FAM227B: variants seen among roughly 807,000 people sequenced by gnomAD.
The protein encoded by FAM227B is family with sequence similarity 227 member B.
Under a neutral mutation model 73.8 loss-of-function variants are expected in FAM227B, and 88 were observed. The observed-to-expected ratio is 1.19, with a 90% CI of 1.00 to 1.42. FAM227B has a LOEUF of 1.42. FAM227B is among the 40% of genes most tolerant of loss of function. The probability of loss-of-function intolerance (pLI) is 0.00; values close to 1 mark genes in which losing one functional copy is unlikely to be tolerated. For missense variants in FAM227B, 632 were observed against 590.9 expected, an observed-to-expected ratio of 1.07 and a Z score of -0.72; for synonymous variants, 210 against 190.5, an observed-to-expected ratio of 1.10 and a Z score of -0.84.
Position 49,354,389 on chromosome 15 carries a change from G to A in FAM227B, c.1271+13059C>T, listed in dbSNP as rs1186372784. ...AGTGGGCGCAGGTCAGTGGGTGCGC[G>A]CACCGTGCGTGAGCCGAAGCAGGGC... is the stretch of plus-strand genomic sequence containing the variant. On this transcript the variant is annotated intron_variant, in intron 13 of 15. Transcript: ENST00000299338. 4.6e-5 allele frequency among the ~76,000 whole-genome samples: 7 copies of A among 152,238 alleles called. No homozygotes were observed. The East Asian group carries it at 5.8e-4, about 13-fold the overall frequency.
rs982854228 is a variant in FAM227B, at chr15:49,399,123, G to T, written c.1013-27724C>A. ...CTAGCAAGACTAATAAAGAAAAAAA[G>T]AGAGAAGAATCAAGTAGACGCAATA... On this transcript the variant is annotated intron_variant, in intron 11 of 15. Coordinates refer to ENST00000299338, the MANE Select transcript of FAM227B (RefSeq NM_152647.3). Among the ~76,000 whole-genome samples, 396 of 148,140 alleles carry T rather than the reference G, an allele frequency of 2.7e-3. 3 individuals are homozygous for T. The highest frequency in any genetic ancestry group is 9.6e-3 in the African/African-American group (386 of 40,150).
intron 11 of FAM227B, among the ~76,000 whole-genome samples, chr15:49,406,095 C>T (rs542834049): frequency 1.1e-4 from 16 of 152,278 alleles, no homozygotes; most frequent in Middle Eastern, 3.4e-3. Flanking sequence ...TCTCTGGCTC[C>T]GCAAGGTTAG....
intron 10 of FAM227B, among the ~76,000 whole-genome samples, chr15:49,530,569 A>G (rs2060533066): frequency 6.6e-6 from 1 of 151,860 alleles, no homozygotes; most frequent in South Asian, 2.1e-4. Context: ...ATTGGGTAAA[A>G]GTGAAATCAA....
chr15:49,477,836 C>T (rs2055494123), intron 11 of FAM227B, among the ~76,000 whole-genome samples: 1 of 152,200 alleles, frequency 6.6e-6, no homozygotes, highest in African/African-American at 2.4e-5. Flanking sequence ...TGCCAGCATA[C>T]AGCACTGTTA....
chr15:49,364,139 G>A (rs992153195), intron 13 of FAM227B, among the ~76,000 whole-genome samples: 4 of 152,152 alleles, frequency 2.6e-5, no homozygotes, highest in African/African-American at 7.2e-5. Flanking sequence ...GAATGAGTTA[G>A]GAAAGAGTCC....
chr15:49,449,223 T>C (rs923546332), intron 11 of FAM227B, among the ~76,000 whole-genome samples: 2 of 151,996 alleles, frequency 1.3e-5, no homozygotes, highest in African/African-American at 2.4e-5. Flanking sequence ...CATAGGCTCA[T>C]ATTGGGCTCC....
At chr15:49,471,055 T>C (rs897381159) in intron 11 of FAM227B, among the ~76,000 whole-genome samples, 1 of 152,214 alleles carries the variant, frequency 6.6e-6, no homozygotes, top group Non-Finnish European at 1.5e-5. Context: ...TGAAAAGTCT[T>C]GTTGATACTC....
chr15:49,512,718 T>G (rs892013168), intron 10 of FAM227B, among the ~76,000 whole-genome samples: 4 of 152,136 alleles, frequency 2.6e-5, no homozygotes, highest in Admixed American at 2.6e-4. Flanking sequence ...ATGCATTAGC[T>G]ATTTGTCCTG....
intron 11 of FAM227B, among the ~76,000 whole-genome samples, chr15:49,471,295 G>A (rs2054724503): frequency 6.6e-6 from 1 of 151,908 alleles, no homozygotes; most frequent in East Asian, 1.9e-4. Context: ...GACTAGCCTG[G>A]CTAACATGGC....
intron 10 of FAM227B, among the ~76,000 whole-genome samples, chr15:49,538,223 T>C (rs1418036348): frequency 2.0e-5 from 3 of 152,194 alleles, no homozygotes. Context: ...CACTTACATA[T>C]GGATTTTCAT....
At chr15:49,420,197 G>C (rs889507798) in intron 11 of FAM227B, among the ~76,000 whole-genome samples, 3 of 151,868 alleles carry the variant, frequency 2.0e-5, no homozygotes, top group East Asian at 1.9e-4. Context: ...ATTTATTTTC[G>C]TAGTATAAAA....
At chr15:49,474,527 A>G (rs377321108) in intron 11 of FAM227B, among the ~76,000 whole-genome samples, 3 of 152,326 alleles carry the variant, frequency 2.0e-5, no homozygotes, top group African/African-American at 7.2e-5. Flanking sequence ...CAGTCAATAA[A>G]AGGTAAAAGA....
intron 11 of FAM227B, among the ~76,000 whole-genome samples, chr15:49,381,858 A>G (rs187287255): frequency 6.6e-6 from 1 of 152,250 alleles, no homozygotes; most frequent in East Asian, 1.9e-4. Context: ...AAAATTTATC[A>G]CTGTTATAAA....
intron 3 of FAM227B, among the ~76,000 whole-genome samples, chr15:49,595,502 G>A (rs2076836803): frequency 6.6e-6 from 1 of 151,864 alleles, no homozygotes; most frequent in East Asian, 1.9e-4. Context: ...TGGTGAAAGT[G>A]GGCATACTTG....
At chr15:49,498,329 A>C (rs545925810) in intron 11 of FAM227B, among the ~76,000 whole-genome samples, 1 of 152,328 alleles carries the variant, frequency 6.6e-6, no homozygotes, top group East Asian at 1.9e-4. Flanking sequence ...TATAAAAATG[A>C]AGATGATAAT....
intron 11 of FAM227B, among the ~76,000 whole-genome samples, chr15:49,420,772 C>T (rs1267848854): frequency 1.3e-5 from 2 of 152,174 alleles, no homozygotes; most frequent in African/African-American, 4.8e-5. Context: ...GTTGTGCGAT[C>T]TCTGCTCACT....
chr15:49,426,467 A>G (rs1302303685), intron 11 of FAM227B, among the ~76,000 whole-genome samples: 2 of 152,006 alleles, frequency 1.3e-5, no homozygotes, highest in African/African-American at 4.8e-5. Context: ...AAAAAAGTAG[A>G]TGTAAAATCC....
chr15:49,534,439 T>A (rs2060854691), intron 10 of FAM227B, among the ~76,000 whole-genome samples: 1 of 151,878 alleles, frequency 6.6e-6, no homozygotes, highest in African/African-American at 2.4e-5. Context: ...ATTAAAAGTA[T>A]ATATGCACCC....
chr15:49,455,062 A>G (rs1456540273), intron 11 of FAM227B, among the ~76,000 whole-genome samples: 1 of 152,142 alleles, frequency 6.6e-6, no homozygotes, highest in Non-Finnish European at 1.5e-5. Flanking sequence ...CACCTGTATT[A>G]GGATCACCTA....
Sources: allele counts gnomAD v4.1 joint callset (sites outside exome capture counted in the v4.1 genomes callset), GRCh38; gene constraint gnomAD v4.1.1; transcripts MANE v1.5; gene names NCBI Gene and HGNC (gene_info 2026-07-23, HGNC 2026-07-21).